Variants in SLC10A4 observed in about 807,000 individuals in gnomAD.
SLC10A4 encodes putative sodium/bile acid cotransporter 4.
In SLC10A4, 17 loss-of-function variants were observed where a neutral mutation model predicts 22.5. The ratio of observed to expected loss-of-function variants is 0.76; its 90% CI spans 0.52 to 1.14. The LOEUF (loss-of-function observed/expected upper bound fraction) is 1.14. Among genes scored for constraint, SLC10A4 ranks in the 50% most tolerant of loss-of-function variants. The probability of loss-of-function intolerance (pLI) is 0.00; values close to 1 mark genes in which losing one functional copy is unlikely to be tolerated. For missense variants in SLC10A4, 548 were observed against 584.0 expected (o/e 0.94, Z 0.64); for synonymous variants, 257 against 258.2 (o/e 1.00, Z 0.04).
At chr4:48,485,178 A>C (rs1346893420) in intron 2 of SLC10A4, 36 bp downstream of exon 2, 2 of 1,596,034 alleles carry the variant, frequency 1.3e-6, no homozygotes, top group Admixed American at 1.7e-5. Context: ...ACTAGCTTGG[A>C]GAGCCCTTGA....
At chr4:48,485,929 T>G (rs1718274888) in intron 2 of SLC10A4, among the ~76,000 whole-genome samples, 1 of 152,142 alleles carries the variant, frequency 6.6e-6, no homozygotes, top group African/African-American at 2.4e-5. Flanking sequence ...AGTAGTTGAC[T>G]GGAGGAAAAA....
At chr4:48,487,967 C>A (rs1718310455) in intron 2 of SLC10A4, among the ~76,000 whole-genome samples, 1 of 151,470 alleles carries the variant, frequency 6.6e-6, no homozygotes, top group Admixed American at 6.6e-5. Context: ...TCACACCTGG[C>A]TAATTTTTGT....
chr4:48,485,284 A>G, intron 2 of SLC10A4, 142 bp downstream of exon 2: 1 of 744,564 alleles, frequency 1.3e-6, no homozygotes, highest in African/African-American at 1.8e-5. Flanking sequence ...TTTTTTTAAA[A>G]AGTTTATGCT....
intron 2 of SLC10A4, among the ~76,000 whole-genome samples, chr4:48,487,788 CTTTTTTTTTTTTTTTTTT>C (rs35831946): frequency 3.3e-4 from 13 of 39,804 alleles, no homozygotes; most frequent in African/African-American, 1.2e-3. Context: ...TTTTGAAGAG[CTTTTTTTTTTTTTTTTTT>C]TTTTTTTTTT....
Position 48,488,587 on chromosome 4 carries a change from T to C in SLC10A4, c.962T>C (p.Leu321Pro). The C allele has an allele frequency of 1.2e-6, 2 of 1,614,042 alleles. No individual in the cohort carries two copies. The highest frequency in any genetic ancestry group is 1.1e-5 in the South Asian group (1 of 91,070). Residue 321 changes from leucine to proline, a missense_variant, in exon 3 of 3, where the codon CTC (leucine) becomes CCC (proline). Physicochemically the swap from Leu to Pro is moderately conservative, Grantham distance 98. Coordinates refer to ENST00000273861, the MANE Select transcript of SLC10A4 (RefSeq NM_152679.4). Reference protein sequence around the residue: ...GYASGYGLATLFHLPPNCKRT... With the variant: ...GYASGYGLATPFHLPPNCKRT... ...GCTTCAGGTTATGGTTTAGCTACTC[T>C]CTTCCATCTTCCACCCAACTGCAAG...
chr4:48,484,157 GA>G lies in SLC10A4; in HGVS notation c.590+7del. 6.4e-7 allele frequency: 1 copy of G among 1,562,068 alleles called. No homozygotes were observed. Among genetic ancestry groups the G allele is most frequent in the Non-Finnish European group, 8.7e-7 (1 of 1,151,622 alleles). ...GACGGCGACATGAACCTCAGGTACG[GA>G]TCTGTCTATTCCTTGGGCATCTGTC... On this transcript the variant is annotated splice_region_variant and intron_variant, in intron 1 of 2. Coordinates refer to ENST00000273861, the MANE Select transcript of SLC10A4 (RefSeq NM_152679.4).
chr4:48,483,558 C>T lies in SLC10A4; in HGVS notation c.-4C>T, dbSNP rs1171829875. 2 of 1,498,038 alleles carry T rather than the reference C, an allele frequency of 1.3e-6. No individual in the cohort carries two copies. The highest frequency in any genetic ancestry group is 2.2e-5 in the Admixed American group (1 of 46,108). The allele number at this position is 1,498,038 out of a possible 1,614,324, so 92.8% of individuals were successfully genotyped here. On this transcript the variant is annotated 5_prime_UTR_variant, in exon 1 of 3. Coordinates refer to ENST00000273861, the MANE Select transcript of SLC10A4 (RefSeq NM_152679.4). The surrounding 1 kb of genome is among the most constrained non-coding windows in gnomAD (Gnocchi z 5.4). ...GGACCGGAATCCGCAGCTCCGGCCG[C>T]GCCATGGACGGCAACGACAACGTGA...
At chr4:48,487,325 T>C (rs1401209857) in intron 2 of SLC10A4, among the ~76,000 whole-genome samples, 1 of 152,210 alleles carries the variant, frequency 6.6e-6, no homozygotes, top group Non-Finnish European at 1.5e-5. Flanking sequence ...ACATATTTAT[T>C]TACATTTTTC....
chr4:48,484,215 T>C, intron 1 of SLC10A4, 64 bp downstream of exon 1: 1 of 1,456,790 alleles, frequency 6.9e-7, no homozygotes, highest in Non-Finnish European at 9.2e-7. Context: ...GGCCGTGGGC[T>C]CACGACGAAG....
At chr4:48,486,242 G>T in intron 2 of SLC10A4, among the ~76,000 whole-genome samples, 1 of 151,862 alleles carries the variant, frequency 6.6e-6, no homozygotes, top group East Asian at 1.9e-4. Context: ...ATATATCCAG[G>T]CTTGAGTAAA....
intron 2 of SLC10A4, among the ~76,000 whole-genome samples, chr4:48,486,574 A>AG (rs1718286789): frequency 7.9e-5 from 12 of 151,168 alleles, no homozygotes; most frequent in Admixed American, 6.6e-4. Flanking sequence ...TTTGAATTTA[A>AG]GGTTAACCTA....
Position 48,489,260 on chromosome 4 carries a change from G to T in SLC10A4, c.*321G>T. 4.8e-6 allele frequency: 1 copy of T among 208,338 alleles called. No homozygotes were observed. 12.9% of individuals were successfully genotyped at this position (208,338 alleles called of 1,614,324 possible). The stretch of plus-strand genomic sequence containing the variant: ...CAGGGTCTTGGAAATGTAGAATTTT[G>T]GCGCACTATGAGGAAAAACAAGCTA... On this transcript the variant is annotated 3_prime_UTR_variant, in exon 3 of 3. Transcript: ENST00000273861.
In SLC10A4 at chr4:48,483,962, G is replaced by A; in HGVS notation, c.401G>A (p.Arg134His). 2 of 1,547,828 alleles carry A rather than the reference G, an allele frequency of 1.3e-6. No individual in the cohort carries two copies. The highest frequency in any genetic ancestry group is 1.7e-6 in the Non-Finnish European group (2 of 1,148,340). ...VDVNHFGAHV[R>H]RPVGALLAAL... ...GTGAACCACTTCGGGGCGCACGTCC[G>A]TCGGCCCGTGGGCGCGCTGCTGGCA... Residue 134 changes from arginine to histidine, a missense_variant, in exon 1 of 3, where the codon CGT becomes CAT. Physicochemically the swap from Arg to His is conservative, Grantham distance 29. Around this residue, in one of 3 missense-constraint regions of SLC10A4, gnomAD observed 225 missense variants for 206.9 expected, o/e 1.09. Coordinates refer to ENST00000273861, the MANE Select transcript of SLC10A4 (RefSeq NM_152679.4). This position sits in a 1 kb window ranked among gnomAD's most constrained non-coding sequence, Gnocchi z 5.4.
At position 48,487,788 on chromosome 4, in the gene SLC10A4, C is replaced by CTTT. The variant is rs35831946; in HGVS notation, c.802-610_802-608dup. Among the ~76,000 whole-genome samples, 395 of 39,828 alleles carry CTTT rather than the reference C, an allele frequency of 9.9e-3. 60 individuals carry two copies. The highest frequency in any genetic ancestry group is 0.031 in the Admixed American group (78 of 2,550). The allele number at this position is 39,828 out of a possible 152,430, so 26.1% of individuals were successfully genotyped here. A position where few individuals can be genotyped will look rare whatever the true frequency, so the allele number is the denominator to read the frequency against. On this transcript the variant is annotated intron_variant, in intron 2 of 2. Transcript: ENST00000273861. ...TTGAAGGCTATTTTTTTTTGAAGAGCTTTTTTTTTTTTTTTTTTTTTTTTT... is the reference window on the plus strand; with the variant it reads ...TTGAAGGCTATTTTTTTTTGAAGAGCTTTTTTTTTTTTTTTTTTTTTTTTTTTT...
At chr4:48,485,270 A>C in intron 2 of SLC10A4, 128 bp downstream of exon 2, 4 of 907,386 alleles carry the variant, frequency 4.4e-6, no homozygotes, top group Admixed American at 2.8e-5. Flanking sequence ...TGCATGGATA[A>C]AATTTTTTTT....
At position 48,488,753 on chromosome 4, in the gene SLC10A4, G is replaced by A; in HGVS notation, c.1128G>A (p.Gly376=). Residue 376 remains glycine, a synonymous_variant, in exon 3 of 3, where the codon GGG becomes GGA. Transcript: ENST00000273861. The part of the protein sequence containing the change: ...LYALFQSAEA[G]IFVLIYKMYG... Reference sequence around the variant, plus strand: ...CACTTTTCCAGTCTGCAGAAGCGGGGATTTTTGTTTTAATCTATAAAATGT... The same window carrying A: ...CACTTTTCCAGTCTGCAGAAGCGGGAATTTTTGTTTTAATCTATAAAATGT... 6.2e-7 allele frequency: 1 copy of A among 1,614,014 alleles called. No individual in the cohort carries two copies. Among genetic ancestry groups the A allele is most frequent in the East Asian group, 2.2e-5 (1 of 44,880 alleles).
In SLC10A4 at chr4:48,484,892, C is replaced by A. The variant is rs148103029; in HGVS notation, c.591-40C>A. ...AAAAAGGTTAGCTGGCTGTTTGACT[C>A]AAAGCTCGTTCTGATTTCTGCACAT... is the stretch of plus-strand genomic sequence containing the variant. On this transcript the variant is annotated intron_variant, in intron 1 of 2. Transcript: ENST00000273861. 55 of 1,585,266 alleles carry A rather than the reference C, an allele frequency of 3.5e-5. No homozygotes were observed. The African/African-American group carries it at 5.2e-4, about 15-fold the overall frequency.
chr4:48,487,928 C>T (rs1328823634), intron 2 of SLC10A4, among the ~76,000 whole-genome samples: 3 of 150,368 alleles, frequency 2.0e-5, no homozygotes, highest in African/African-American at 7.4e-5. Flanking sequence ...CTCAGCATCC[C>T]GAGTAGCTGG....
rs201020849 is a variant in SLC10A4 at position 48,488,749 on chromosome 4, C to T, written c.1124C>T (p.Ala375Val). 4.3e-5 allele frequency: 70 copies of T among 1,613,872 alleles called. No individual in the cohort carries two copies. The highest frequency in any genetic ancestry group is 3.3e-4 in the Middle Eastern group (2 of 6,062). ...LLYALFQSAEAGIFVLIYKMY... is the reference protein window; with the variant it reads ...LLYALFQSAEVGIFVLIYKMY... ...TATGCACTTTTCCAGTCTGCAGAAG[C>T]GGGGATTTTTGTTTTAATCTATAAA... Residue 375 changes from alanine to valine, a missense_variant, in exon 3 of 3, where the codon GCG (alanine) becomes GTG (valine). Ala to Val is a moderately conservative substitution (Grantham distance 64). Around this residue, in one of 3 missense-constraint regions of SLC10A4, gnomAD observed 314 missense variants for 353.2 expected, o/e 0.89. Coordinates refer to ENST00000273861, the MANE Select transcript of SLC10A4 (RefSeq NM_152679.4).
Sources: allele counts gnomAD v4.1 joint callset (sites outside exome capture counted in the v4.1 genomes callset), GRCh38; gene constraint gnomAD v4.1.1; regional missense constraint gnomAD v4.1.1; non-coding constraint Gnocchi (gnomAD v3.1); transcripts MANE v1.5; gene names NCBI Gene and HGNC (gene_info 2026-07-23, HGNC 2026-07-21).